CACNA2D3: variants seen among roughly 807,000 people sequenced by gnomAD.
The protein encoded by CACNA2D3 is voltage-dependent calcium channel subunit alpha-2/delta-3.
Under a neutral mutation model 160.6 loss-of-function variants are expected in CACNA2D3, and 60 were observed. The ratio of observed to expected loss-of-function variants is 0.37; its 90% confidence interval spans 0.30 to 0.46. The LOEUF (loss-of-function observed/expected upper bound fraction) is 0.46. Among genes scored for constraint, CACNA2D3 ranks in the 20% least tolerant of loss-of-function variants. The pLI, the probability that CACNA2D3 is intolerant of heterozygous loss-of-function variation, is 1.00. For missense variants in CACNA2D3, 1,205 were observed against 1,365.0 expected, an observed-to-expected ratio of 0.88 and a Z score of 1.85; for synonymous variants, 558 against 492.9, an observed-to-expected ratio of 1.13 and a Z score of -1.75.
intron 11 of CACNA2D3, among the ~76,000 whole-genome samples, chr3:54,687,242 G>C (rs1700481233): frequency 6.8e-6 from 1 of 147,880 alleles, no homozygotes. Context: ...CCAGGTTCAA[G>C]TGATTCTTCT....
At chr3:54,322,866 G>GA (rs1704034965) in intron 3 of CACNA2D3, among the ~76,000 whole-genome samples, 1 of 151,780 alleles carries the variant, frequency 6.6e-6, no homozygotes, top group East Asian at 1.9e-4. Flanking sequence ...CCTTTGAGAA[G>GA]AAAAAAATAA....
chr3:54,256,218 A>G (rs1575348161), intron 2 of CACNA2D3, among the ~76,000 whole-genome samples: 1 of 152,086 alleles, frequency 6.6e-6, no homozygotes, highest in African/African-American at 2.4e-5. Flanking sequence ...GTGCTATGTG[A>G]AGTCTTGTTG....
intron 13 of CACNA2D3, among the ~76,000 whole-genome samples, chr3:54,799,664 A>G (rs1159144174): frequency 6.6e-6 from 1 of 152,144 alleles, no homozygotes; most frequent in African/African-American, 2.4e-5. Flanking sequence ...AGACCCTTTC[A>G]TCTTTTTGGA....
At chr3:54,991,412 G>A (rs527722120) in intron 31 of CACNA2D3, among the ~76,000 whole-genome samples, 12 of 151,972 alleles carry the variant, frequency 7.9e-5, no homozygotes, top group African/African-American at 2.7e-4. Flanking sequence ...TAGTAGAGAC[G>A]GGGTTTCACC....
intron 3 of CACNA2D3, among the ~76,000 whole-genome samples, chr3:54,380,497 G>T (rs13086644): frequency 1.3e-5 from 2 of 152,316 alleles, no homozygotes; most frequent in South Asian, 4.1e-4. Flanking sequence ...CCAGCACTTT[G>T]GGAGGCCGAG....
chr3:54,478,395 G>T (rs186046585), intron 4 of CACNA2D3, among the ~76,000 whole-genome samples: 1 of 151,934 alleles, frequency 6.6e-6, no homozygotes, highest in East Asian at 1.9e-4. Context: ...CAGTTTGAGA[G>T]GCCAAGGCGG....
In CACNA2D3 at chr3:54,406,008, A is replaced by C. The variant is rs1008438970; in HGVS notation, c.381+19234A>C. On this transcript the variant is annotated intron_variant, in intron 4 of 37. Transcript: ENST00000474759. ...TTAAAACTGTGCAATATCACTTCACACCTGTTAGGATAACTGTTGTCAAAA... is the reference window on the plus strand; with the variant it reads ...TTAAAACTGTGCAATATCACTTCACCCCTGTTAGGATAACTGTTGTCAAAA... Among the ~76,000 whole-genome samples the C allele has an allele frequency of 3.9e-5, 6 of 152,266 alleles. No individual in the cohort carries two copies. In the East Asian group the frequency reaches 9.6e-4, roughly 24 times the overall value.
intron 2 of CACNA2D3, among the ~76,000 whole-genome samples, chr3:54,274,602 CA>C (rs1353395975): frequency 9.2e-5 from 14 of 152,364 alleles, no homozygotes; most frequent in African/African-American, 3.1e-4. Flanking sequence ...TGGCTTAAAA[CA>C]GCAGCCATTT....
chr3:54,419,031 G>A (rs963936579), intron 4 of CACNA2D3, among the ~76,000 whole-genome samples: 1 of 152,150 alleles, frequency 6.6e-6, no homozygotes, highest in Admixed American at 6.5e-5. Context: ...AATGACTCAA[G>A]GAAAAAGTGG....
chr3:54,177,742 C>CAACGTT (rs1423338392), intron 2 of CACNA2D3: 2 of 152,172 alleles, frequency 1.3e-5, no homozygotes, highest in Non-Finnish European at 2.9e-5. Flanking sequence ...GCTGCTGAGG[C>CAACGTT]AACGTTTTCT....
At chr3:54,984,785 A>C in intron 30 of CACNA2D3, 115 bp downstream of exon 30, 1 of 679,652 alleles carries the variant, frequency 1.5e-6, no homozygotes, top group Non-Finnish European at 2.6e-6. Flanking sequence ...AGGAGGTAAT[A>C]GCAGGAGATT....
At chr3:54,919,734 A>G (rs779710570) in intron 27 of CACNA2D3, among the ~76,000 whole-genome samples, 1 of 152,244 alleles carries the variant, frequency 6.6e-6, no homozygotes, top group Non-Finnish European at 1.5e-5. Flanking sequence ...ATTTTCTGCC[A>G]TGAAAACATG....
At chr3:54,586,092 G>A (rs549056043) in intron 9 of CACNA2D3, among the ~76,000 whole-genome samples, 16 of 151,936 alleles carry the variant, frequency 1.1e-4, no homozygotes, top group African/African-American at 2.4e-4. Flanking sequence ...TTGAAATCCC[G>A]TCTCTACTAA....
At chr3:54,141,094 C>CGCGCGCGCGCGCGCGCGCGCACGT (rs768348036) in intron 2 of CACNA2D3, among the ~76,000 whole-genome samples, 10 of 81,892 alleles carry the variant, frequency 1.2e-4, no homozygotes, top group African/African-American at 2.7e-4. Context: ...TGTGCGCGCG[C>CGCGCGCGCGCGCGCGCGCGCACGT]GCGCGTGTGT....
chr3:54,673,958 C>T lies in CACNA2D3; in HGVS notation c.1167+31717C>T, dbSNP rs148705138. Among the ~76,000 whole-genome samples the T allele has an allele frequency of 5.6e-3, 849 of 152,278 alleles. 15 individuals are homozygous for T. The highest frequency in any genetic ancestry group is 0.019 in the African/African-American group (808 of 41,558). On this transcript the variant is annotated intron_variant, in intron 11 of 37. Transcript: ENST00000474759. ...TCATGTGTCTCTAGACTTAAACCGCCGGCAGCTGTGTCTTCCATGGCTGAT... is the reference window on the plus strand; with the variant it reads ...TCATGTGTCTCTAGACTTAAACCGCTGGCAGCTGTGTCTTCCATGGCTGAT...
At chr3:54,698,858 C>T (rs190769750) in intron 11 of CACNA2D3, among the ~76,000 whole-genome samples, 204 of 152,218 alleles carry the variant, frequency 1.3e-3, no homozygotes, top group African/African-American at 4.6e-3. Flanking sequence ...GTGTGTTTTC[C>T]CCAAATGTAA....
intron 2 of CACNA2D3, among the ~76,000 whole-genome samples, chr3:54,148,498 AG>A (rs1187093259): frequency 6.6e-6 from 1 of 152,168 alleles, no homozygotes; most frequent in Admixed American, 6.5e-5. Context: ...AGCATGTGGC[AG>A]GGGGTTGGGG....
chr3:54,319,157 G>GACACACACACACACACACACACAC (rs58790730), intron 2 of CACNA2D3, among the ~76,000 whole-genome samples: 3 of 138,964 alleles, frequency 2.2e-5, no homozygotes, highest in East Asian at 2.1e-4. Context: ...AGCATTTTGT[G>GACACACACACACACACACACACAC]ACACACACAC....
At chr3:54,286,027 C>CGAG (rs1370132285) in intron 2 of CACNA2D3, among the ~76,000 whole-genome samples, 6 of 152,296 alleles carry the variant, frequency 3.9e-5, no homozygotes, top group African/African-American at 1.2e-4. Flanking sequence ...AGTGCCTCTC[C>CGAG]TCCTCCAAAG....
Sources: gnomAD v4.1 joint callset for allele counts (sites outside exome capture counted in the v4.1 genomes callset) on GRCh38, gnomAD v4.1.1 for gene constraint, MANE v1.5 for transcripts, NCBI Gene and HGNC (gene_info 2026-07-23, HGNC 2026-07-21) for gene names.